SRP54: variants seen among roughly 807,000 people sequenced by gnomAD.
The protein encoded by SRP54 is signal recognition particle subunit SRP54.
In SRP54, 10 loss-of-function variants were observed where a neutral mutation model predicts 64.8. The ratio of observed to expected loss-of-function variants is 0.15; its 90% CI spans 0.10 to 0.26. The LOEUF is 0.26. SRP54 is among the 10% of genes least tolerant of loss of function. The probability of loss-of-function intolerance (pLI) is 1.00; values close to 1 mark genes in which losing one functional copy is unlikely to be tolerated. For synonymous variants in SRP54, 193 were observed against 185.6 expected, an observed-to-expected ratio of 1.04 and a Z score of -0.32; for missense variants, 325 against 613.7, an observed-to-expected ratio of 0.53 and a Z score of 4.97.
At chr14:35,015,212 G>A (rs923653843) in intron 11 of SRP54, among the ~76,000 whole-genome samples, 1 of 152,090 alleles carries the variant, frequency 6.6e-6, no homozygotes, top group Non-Finnish European at 1.5e-5. Flanking sequence ...GAGTAGCTGG[G>A]ATTACGGGCA....
chr14:34,989,275 G>A (rs2043948913), intron 1 of SRP54, among the ~76,000 whole-genome samples: 1 of 152,142 alleles, frequency 6.6e-6, no homozygotes, highest in South Asian at 2.1e-4. Flanking sequence ...GGAGGCCACG[G>A]TGGGTGGATC....
intron 10 of SRP54, among the ~76,000 whole-genome samples, chr14:35,014,537 C>T (rs1207743005): frequency 1.3e-5 from 2 of 152,102 alleles, no homozygotes; most frequent in Non-Finnish European, 2.9e-5. Flanking sequence ...ACCTTGGCCT[C>T]CCAAAGTGCT....
At chr14:35,016,842 TTTC>T (rs796662228) in intron 11 of SRP54, among the ~76,000 whole-genome samples, 1 of 25,628 alleles carries the variant, frequency 3.9e-5, no homozygotes, top group South Asian at 1.9e-3. Context: ...TTTTTTTTCT[TTTC>T]TTTTTTTTTT....
At chr14:35,024,321 G>A (rs1441174348) in intron 14 of SRP54, among the ~76,000 whole-genome samples, 1 of 152,088 alleles carries the variant, frequency 6.6e-6, no homozygotes, top group Non-Finnish European at 1.5e-5. Context: ...GAGCCACCAC[G>A]TCCGGCCTCA....
In SRP54 at chr14:35,029,453, G is replaced by T; in HGVS notation, c.*301G>T. 1 of 237,140 alleles carries T rather than the reference G, an allele frequency of 4.2e-6. No individual in the cohort carries two copies. The highest frequency in any genetic ancestry group is 8.5e-5 in the South Asian group (1 of 11,778). 14.7% of individuals were successfully genotyped at this position (237,140 alleles called of 1,614,324 possible). On this transcript the variant is annotated 3_prime_UTR_variant, in exon 16 of 16. Transcript: ENST00000216774. ...ATGATGTAAAATTTTAGTACTTAAA[G>T]GTTTTTAATTATCTCGAAGGCCAAG...
chr14:35,021,661 T>A (rs1377462673), intron 13 of SRP54, among the ~76,000 whole-genome samples: 1 of 152,138 alleles, frequency 6.6e-6, no homozygotes, highest in African/African-American at 2.4e-5. Flanking sequence ...GAAAGCCTTA[T>A]TTTTTATGCG....
chr14:35,011,711 A>T (rs986715089), intron 8 of SRP54, 52 bp downstream of exon 8: 1 of 1,400,146 alleles, frequency 7.1e-7, no homozygotes, highest in African/African-American at 1.4e-5. Context: ...TAATTTAATT[A>T]TAAAACCAGG....
At chr14:34,990,779 A>G (rs1008234993) in intron 1 of SRP54, among the ~76,000 whole-genome samples, 9 of 152,208 alleles carry the variant, frequency 5.9e-5, no homozygotes, top group Non-Finnish European at 8.8e-5. Flanking sequence ...ATGGCAGGGA[A>G]ATTCTGAAGA....
At chr14:35,015,652 A>C (rs944761188) in intron 11 of SRP54, among the ~76,000 whole-genome samples, 1 of 152,238 alleles carries the variant, frequency 6.6e-6, no homozygotes, top group Non-Finnish European at 1.5e-5. Context: ...GCATTCGCTG[A>C]TGCATGTACA....
intron 4 of SRP54, among the ~76,000 whole-genome samples, chr14:35,003,064 G>A (rs1018144550): frequency 2.6e-5 from 4 of 151,868 alleles, no homozygotes; most frequent in Non-Finnish European, 5.9e-5. Flanking sequence ...TTATTGTTAG[G>A]GGCTCGTAAC....
At chr14:35,007,155 T>C in intron 4 of SRP54, 128 bp from the exon 5 acceptor site, 3 of 458,512 alleles carry the variant, frequency 6.5e-6, no homozygotes, top group East Asian at 3.6e-5. Flanking sequence ...ATTATGCCAC[T>C]GCACTCCAGC....
intron 2 of SRP54, chr14:34,997,022 C>A: frequency 2.4e-6 from 1 of 408,290 alleles, no homozygotes; most frequent in South Asian, 3.8e-5. Flanking sequence ...AAAAACCTGA[C>A]CTTAACTTAC....
intron 14 of SRP54, among the ~76,000 whole-genome samples, chr14:35,023,811 C>T (rs1228680283): frequency 8.6e-5 from 13 of 151,726 alleles, no homozygotes. Flanking sequence ...CACACACACA[C>T]ACACACACAC....
chr14:35,012,811 T>C (rs1186401932), intron 8 of SRP54, among the ~76,000 whole-genome samples: 1 of 152,186 alleles, frequency 6.6e-6, no homozygotes, highest in African/African-American at 2.4e-5. Context: ...CTGACTAGAA[T>C]GCAAGTTTCT....
At chr14:34,995,165 GTGTGTGTGTGTGTGTGTGTGTGT>G (rs2044051205) in intron 1 of SRP54, among the ~76,000 whole-genome samples, 2 of 141,122 alleles carry the variant, frequency 1.4e-5, no homozygotes, top group Admixed American at 7.2e-5. Flanking sequence ...GTGTGTGTGT[GTGTGTGTGTGTGTGTGTGTGTGT>G]AGAGAGAGAG....
At chr14:34,986,828 GA>G (rs938926044) in intron 1 of SRP54, among the ~76,000 whole-genome samples, 28 of 151,720 alleles carry the variant, frequency 1.8e-4, no homozygotes, top group Non-Finnish European at 3.7e-4. Flanking sequence ...GCAGTGAGCC[GA>G]GATTGTGCCA....
intron 5 of SRP54, among the ~76,000 whole-genome samples, chr14:35,007,748 CATAAAATAGATTTTATTAAAAT>C (rs1298706715): frequency 0.062 from 8,784 of 141,036 alleles, 504 homozygotes; most frequent in East Asian, 0.077. Context: ...AATATATTTA[CATAAAATAGATTTTATTAAAAT>C]ATATTTACAT....
intron 10 of SRP54, among the ~76,000 whole-genome samples, chr14:35,014,143 T>C (rs2044399067): frequency 6.6e-6 from 1 of 152,032 alleles, no homozygotes; most frequent in South Asian, 2.1e-4. Flanking sequence ...AAACAAGTGG[T>C]TTTAATAATA....
intron 4 of SRP54, among the ~76,000 whole-genome samples, chr14:35,004,904 T>G (rs1031415913): frequency 6.6e-6 from 1 of 152,368 alleles, no homozygotes; most frequent in East Asian, 1.9e-4. Context: ...ACCTCATGGC[T>G]TTCCTTGAAA....
Sources: gnomAD v4.1 joint callset for allele counts (sites outside exome capture counted in the v4.1 genomes callset) on GRCh38, gnomAD v4.1.1 for gene constraint, MANE v1.5 for transcripts, NCBI Gene and HGNC (gene_info 2026-07-23, HGNC 2026-07-21) for gene names.